The following NKAIN2 variants were observed in gnomAD, a reference collection of about 807,000 sequenced individuals.
NKAIN2 encodes the protein sodium/potassium transporting ATPase interacting 2.
A neutral mutation model predicts 32.6 loss-of-function variants in NKAIN2; 14 were observed. The observed-to-expected ratio is 0.43, with a 90% CI of 0.28 to 0.67. The LOEUF (loss-of-function observed/expected upper bound fraction) is 0.67, where lower values mean the gene tolerates loss of function less well. NKAIN2 is among the 30% of genes least tolerant of loss of function. The pLI is 0.17. For missense variants in NKAIN2, 198 were observed against 258.3 expected, an observed-to-expected ratio of 0.77 and a Z score of 1.60; for synonymous variants, 80 against 87.2, an observed-to-expected ratio of 0.92 and a Z score of 0.46.
chr6:124,485,510 G>T (rs1180965552), intron 3 of NKAIN2, among the ~76,000 whole-genome samples: 1 of 151,902 alleles, frequency 6.6e-6, no homozygotes, highest in African/African-American at 2.4e-5. Flanking sequence ...ATAAATACAT[G>T]TTAAAATATA....
chr6:124,326,517 A>G (rs535563687), intron 2 of NKAIN2, among the ~76,000 whole-genome samples: 18 of 151,906 alleles, frequency 1.2e-4, no homozygotes, highest in Non-Finnish European at 1.8e-4. Context: ...CCTCAATTCT[A>G]TTTTTCAAGA....
At chr6:124,112,121 A>G (rs1785413689) in intron 1 of NKAIN2, among the ~76,000 whole-genome samples, 1 of 152,082 alleles carries the variant, frequency 6.6e-6, no homozygotes, top group Admixed American at 6.6e-5. Context: ...ACAATATTTT[A>G]TATTTGTGTA....
chr6:123,897,258 C>A (rs1774330180), intron 1 of NKAIN2, among the ~76,000 whole-genome samples: 2 of 152,012 alleles, frequency 1.3e-5, no homozygotes, highest in African/African-American at 4.8e-5. Flanking sequence ...TACTCATAAC[C>A]CCTCATGACC....
At chr6:124,484,981 T>C (rs533199039) in intron 3 of NKAIN2, among the ~76,000 whole-genome samples, 1 of 152,222 alleles carries the variant, frequency 6.6e-6, no homozygotes, top group Non-Finnish European at 1.5e-5. Context: ...TCTGAGTGAA[T>C]ACAAAATACA....
intron 4 of NKAIN2, among the ~76,000 whole-genome samples, chr6:124,670,765 G>A (rs1466586151): frequency 6.6e-6 from 1 of 151,704 alleles, no homozygotes; most frequent in Non-Finnish European, 1.5e-5. Context: ...CAAGAAAGGT[G>A]GTTTGTTGCC....
chr6:124,208,076 T>C (rs1790985951), intron 1 of NKAIN2, among the ~76,000 whole-genome samples: 1 of 151,892 alleles, frequency 6.6e-6, no homozygotes, highest in South Asian at 2.1e-4. Flanking sequence ...TGTTCTTGTG[T>C]TAGCTGTGGA....
chr6:124,186,193 G>GGAAGGAAA (rs1172667566), intron 1 of NKAIN2, among the ~76,000 whole-genome samples: 1 of 142,624 alleles, frequency 7.0e-6, no homozygotes, highest in Non-Finnish European at 1.5e-5. Context: ...AAGGAAGGAA[G>GGAAGGAAA]GAAGGAAAGA....
At chr6:124,777,746 A>G (rs1779045418) in intron 4 of NKAIN2, among the ~76,000 whole-genome samples, 1 of 152,082 alleles carries the variant, frequency 6.6e-6, no homozygotes, top group African/African-American at 2.4e-5. Context: ...CTCACAAACA[A>G]ATTCTAGCTG....
intron 1 of NKAIN2, among the ~76,000 whole-genome samples, chr6:124,191,233 A>G (rs950768377): frequency 6.6e-6 from 1 of 152,108 alleles, no homozygotes; most frequent in Non-Finnish European, 1.5e-5. Context: ...TTAATCTTCC[A>G]TTTCATGAAT....
chr6:123,919,022 A>G (rs1366073417), intron 1 of NKAIN2, among the ~76,000 whole-genome samples: 1 of 151,784 alleles, frequency 6.6e-6, no homozygotes, highest in Non-Finnish European at 1.5e-5. Context: ...AGAGATATTT[A>G]TGTGTATCCT....
At chr6:124,592,844 AG>A (rs1200002632) in intron 3 of NKAIN2, among the ~76,000 whole-genome samples, 1 of 152,170 alleles carries the variant, frequency 6.6e-6, no homozygotes, top group Non-Finnish European at 1.5e-5. Flanking sequence ...TCCTTGCACA[AG>A]TGCTGGGCAT....
intron 1 of NKAIN2, among the ~76,000 whole-genome samples, chr6:123,900,405 G>A (rs1277443899): frequency 4.6e-5 from 7 of 151,744 alleles, no homozygotes; most frequent in African/African-American, 9.7e-5. Context: ...CCCGGGAGGC[G>A]GAGGTTGCAG....
chr6:124,076,023 A>G (rs1163918777), intron 1 of NKAIN2, among the ~76,000 whole-genome samples: 1 of 152,264 alleles, frequency 6.6e-6, no homozygotes, highest in Non-Finnish European at 1.5e-5. Context: ...TGTATATCAC[A>G]CAGGCAGGCT....
At chr6:124,775,385 T>G (rs1417507067) in intron 4 of NKAIN2, among the ~76,000 whole-genome samples, 1 of 152,170 alleles carries the variant, frequency 6.6e-6, no homozygotes, top group South Asian at 2.1e-4. Context: ...TTCGTATTCA[T>G]TGAATTAATG....
intron 1 of NKAIN2, among the ~76,000 whole-genome samples, chr6:124,110,660 TCTTG>T (rs1356496623): frequency 1.3e-5 from 2 of 152,134 alleles, no homozygotes; most frequent in Non-Finnish European, 2.9e-5. Flanking sequence ...GGTTTTCTGT[TCTTG>T]CATTAATTTG....
chr6:124,797,568 G>T (rs1205395953), intron 5 of NKAIN2, among the ~76,000 whole-genome samples: 1 of 151,914 alleles, frequency 6.6e-6, no homozygotes, highest in African/African-American at 2.4e-5. Context: ...TGGGATAAAA[G>T]TCACAATCAA....
chr6:124,688,265 T>G (rs560344799), intron 4 of NKAIN2, among the ~76,000 whole-genome samples: 1 of 152,222 alleles, frequency 6.6e-6, no homozygotes, highest in Non-Finnish European at 1.5e-5. Flanking sequence ...AATCTGAATG[T>G]ATCTTTTTGA....
Position 124,734,061 on chromosome 6 carries a change from G to GCACACACACACACACA in NKAIN2, c.475-57261_475-57246dup, listed in dbSNP as rs61526747. ...TTATAATACCAGAAAATGAGGAAAT[G>GCACACACACACACACA]CACACACACACACACACACACACAC... On this transcript the variant is annotated intron_variant, in intron 4 of 6. Coordinates refer to ENST00000368417, the MANE Select transcript of NKAIN2 (RefSeq NM_001040214.3). Among the ~76,000 whole-genome samples the GCACACACACACACACA allele has an allele frequency of 1.1e-3, 154 of 145,334 alleles. 1 individual carries two copies. The highest frequency in any genetic ancestry group is 9.1e-4 in the Non-Finnish European group (60 of 66,046).
chr6:123,806,218 G>A (rs1313341863), intron 1 of NKAIN2, among the ~76,000 whole-genome samples: 1 of 152,034 alleles, frequency 6.6e-6, no homozygotes, highest in Non-Finnish European at 1.5e-5. Flanking sequence ...CAGAATAGAC[G>A]TAGCTGTAAT....
Sources: allele counts gnomAD v4.1 joint callset (sites outside exome capture counted in the v4.1 genomes callset), GRCh38; gene constraint gnomAD v4.1.1; transcripts MANE v1.5; gene names NCBI Gene and HGNC (gene_info 2026-07-23, HGNC 2026-07-21).